DENND2B: variants seen among roughly 807,000 people sequenced by gnomAD.
The protein encoded by DENND2B is DENN domain-containing protein 2B.
DENND2B carries 32 observed loss-of-function variants against 116.0 expected under a neutral mutation model. The ratio of observed to expected loss-of-function variants is 0.28; its 90% CI spans 0.21 to 0.37. The LOEUF is 0.37. DENND2B is among the 10% of genes least tolerant of loss of function. The pLI is 1.00. For synonymous variants in DENND2B, 588 were observed against 583.9 expected (o/e 1.01, Z -0.10); for missense variants, 1,276 against 1,477.7 (o/e 0.86, Z 2.24).
At chr11:8,734,837 C>A (rs533103278) in intron 2 of DENND2B, among the ~76,000 whole-genome samples, 2 of 151,572 alleles carry the variant, frequency 1.3e-5, no homozygotes, top group South Asian at 4.2e-4. Flanking sequence ...TCAGAGAATC[C>A]CTGTGAGAAA....
intron 1 of DENND2B, among the ~76,000 whole-genome samples, chr11:8,886,083 G>A (rs768983491): frequency 5.1e-4 from 78 of 152,054 alleles, no homozygotes; most frequent in Admixed American, 1.1e-3. Flanking sequence ...TAAGACTACA[G>A]GTCCACATCA....
chr11:8,831,812 C>G (rs1395933145), intron 4 of DENND2B: 1 of 152,164 alleles, frequency 6.6e-6, no homozygotes, highest in Non-Finnish European at 1.5e-5. Flanking sequence ...TGTTCATGCT[C>G]CCTTGGGCCC....
chr11:8,827,334 G>A (rs2062017437), intron 4 of DENND2B, among the ~76,000 whole-genome samples: 1 of 152,180 alleles, frequency 6.6e-6, no homozygotes, highest in Admixed American at 6.5e-5. Flanking sequence ...TTCTTACAAG[G>A]CCATGGGACT....
At chr11:8,885,561 G>A (rs1299701024) in intron 1 of DENND2B, among the ~76,000 whole-genome samples, 1 of 152,102 alleles carries the variant, frequency 6.6e-6, no homozygotes, top group African/African-American at 2.4e-5. Flanking sequence ...ATGTACTCTG[G>A]GAGTGCAATA....
chr11:8,883,823 T>C (rs1184835250), intron 1 of DENND2B, among the ~76,000 whole-genome samples: 1 of 152,248 alleles, frequency 6.6e-6, no homozygotes, highest in Non-Finnish European at 1.5e-5. Flanking sequence ...ATCAATTAGA[T>C]ACCATCGTCT....
chr11:8,718,106 C>CCCCCCCAA (rs2045356667), intron 4 of DENND2B: 3 of 281,606 alleles, frequency 1.1e-5, no homozygotes, highest in Non-Finnish European at 2.0e-5. Flanking sequence ...ACCCCCCCAC[C>CCCCCCCAA]CCCCCCAACC....
At chr11:8,858,341 C>T (rs1380794854) in intron 2 of DENND2B, among the ~76,000 whole-genome samples, 2 of 151,916 alleles carry the variant, frequency 1.3e-5, no homozygotes, top group African/African-American at 4.8e-5. Flanking sequence ...AGGAAAAACA[C>T]AGAAATATGT....
intron 2 of DENND2B, among the ~76,000 whole-genome samples, chr11:8,738,392 C>T (rs1465454101): frequency 6.6e-6 from 1 of 152,198 alleles, no homozygotes; most frequent in Non-Finnish European, 1.5e-5. Context: ...GACCTCAAAA[C>T]ACTGGAACGT....
chr11:8,836,583 G>A (rs913160609), intron 4 of DENND2B, among the ~76,000 whole-genome samples: 8 of 151,742 alleles, frequency 5.3e-5, no homozygotes, highest in South Asian at 2.1e-4. Context: ...CACCATACCC[G>A]GCTAATTTTT....
intron 1 of DENND2B, among the ~76,000 whole-genome samples, chr11:8,807,588 G>A (rs770390747): frequency 1.3e-4 from 20 of 152,178 alleles, no homozygotes; most frequent in Non-Finnish European, 2.8e-4. Context: ...GAGAGAGAGA[G>A]CCCAAGGGGA....
At chr11:8,741,293 TA>T (rs2050159453) in intron 2 of DENND2B, among the ~76,000 whole-genome samples, 1 of 152,210 alleles carries the variant, frequency 6.6e-6, no homozygotes, top group Non-Finnish European at 1.5e-5. Context: ...AGCTGATTTC[TA>T]AGGAAGCACC....
At chr11:8,706,726 A>T (rs2042666123) in intron 13 of DENND2B, among the ~76,000 whole-genome samples, 1 of 152,214 alleles carries the variant, frequency 6.6e-6, no homozygotes. Flanking sequence ...ACTAGACTAC[A>T]AACTTCATGA....
intron 1 of DENND2B, among the ~76,000 whole-genome samples, chr11:8,796,642 T>C (rs767588200): frequency 1.2e-4 from 19 of 152,208 alleles, no homozygotes; most frequent in Non-Finnish European, 7.3e-5. Flanking sequence ...TCCAACAAAC[T>C]TGAAGACTCT....
At chr11:8,757,629 G>A (rs1469594885) in intron 1 of DENND2B, among the ~76,000 whole-genome samples, 1 of 152,196 alleles carries the variant, frequency 6.6e-6, no homozygotes, top group Non-Finnish European at 1.5e-5. Context: ...AACAGCTAAA[G>A]TTACAAGCAC....
chr11:8,730,537 G>A lies in DENND2B; in HGVS notation c.753C>T (p.Asp251=). ...EEEGEALPVR[D]SFYRLEKRLG... is the part of the protein sequence containing the mutation. ...GCCGTTTCTCCAGCCGGTAGAAAGAGTCCCGGACAGGGAGCGCCTCTCCCT... is the reference window on the plus strand; with the variant it reads ...GCCGTTTCTCCAGCCGGTAGAAAGAATCCCGGACAGGGAGCGCCTCTCCCT... The change falls in exon 3 of 20, where the codon GAC becomes GAT. Residue 251 remains aspartate (D), a synonymous_variant. Transcript: ENST00000313726. This position sits in a 1 kb window ranked among gnomAD's most constrained non-coding sequence, Gnocchi z 4.1. 6.2e-7 allele frequency: 1 copy of A among 1,613,200 alleles called. No homozygotes were observed. Among genetic ancestry groups the A allele is most frequent in the Non-Finnish European group, 8.5e-7 (1 of 1,180,038 alleles).
intron 1 of DENND2B, among the ~76,000 whole-genome samples, chr11:8,908,087 T>C (rs1326766941): frequency 6.6e-6 from 1 of 152,194 alleles, no homozygotes; most frequent in East Asian, 1.9e-4. Context: ...CACCCGCTAC[T>C]TAACAGGTCC....
intron 3 of DENND2B, among the ~76,000 whole-genome samples, chr11:8,846,901 T>A (rs2062834555): frequency 6.6e-6 from 1 of 152,244 alleles, no homozygotes; most frequent in African/African-American, 2.4e-5. Context: ...GACTTAGACA[T>A]GTTCCTGTCC....
intron 1 of DENND2B, among the ~76,000 whole-genome samples, chr11:8,801,445 G>A (rs2060302556): frequency 6.6e-6 from 1 of 152,158 alleles, no homozygotes; most frequent in South Asian, 2.1e-4. Flanking sequence ...GGGAGGCCGA[G>A]GCAGATGGAA....
chr11:8,832,568 T>C (rs775449366), intron 4 of DENND2B: 3 of 145,614 alleles, frequency 2.1e-5, no homozygotes, highest in Non-Finnish European at 4.6e-5. Flanking sequence ...TTACCTTCCA[T>C]GGCTGGTCTC....
Sources: gnomAD v4.1 joint callset for allele counts (sites outside exome capture counted in the v4.1 genomes callset) on GRCh38, gnomAD v4.1.1 for gene constraint, Gnocchi (gnomAD v3.1) non-coding constraint, MANE v1.5 for transcripts, NCBI Gene and HGNC (gene_info 2026-07-23, HGNC 2026-07-21) for gene names.